The following EGLN1 variants were observed in gnomAD, a reference collection of about 807,000 sequenced individuals.
The protein encoded by EGLN1 is egl-9 family hypoxia inducible factor 1.
Under a neutral mutation model 38.3 loss-of-function variants are expected in EGLN1, and 17 were observed. The observed-to-expected ratio is 0.44, with a 90% CI of 0.30 to 0.67. The LOEUF (loss-of-function observed/expected upper bound fraction) is 0.67, where lower values mean the gene tolerates loss of function less well. Among genes scored for constraint, EGLN1 ranks in the 30% least tolerant of loss-of-function variants. The pLI, the probability that EGLN1 is intolerant of heterozygous loss-of-function variation, is 0.08. For synonymous variants in EGLN1, 283 were observed against 257.5 expected (o/e 1.10, Z -0.95); for missense variants, 477 against 603.3 (o/e 0.79, Z 2.19).
chr1:231,404,332 C>A (rs1029015109), intron 1 of EGLN1, among the ~76,000 whole-genome samples: 8 of 152,052 alleles, frequency 5.3e-5, no homozygotes, highest in African/African-American at 1.7e-4. Flanking sequence ...GCCATAAATA[C>A]CCCCCATTAT....
chr1:231,402,809 AT>A (rs1688695464), intron 1 of EGLN1, among the ~76,000 whole-genome samples: 1 of 151,362 alleles, frequency 6.6e-6, no homozygotes, highest in Non-Finnish European at 1.5e-5. Context: ...GTCAAGGTTT[AT>A]TTTTTCCACA....
chr1:231,376,582 T>C (rs902498758), intron 1 of EGLN1, among the ~76,000 whole-genome samples: 1 of 152,172 alleles, frequency 6.6e-6, no homozygotes, highest in African/African-American at 2.4e-5. Context: ...ATCCACAGTT[T>C]CAGGCATCCA....
intron 1 of EGLN1, among the ~76,000 whole-genome samples, chr1:231,398,250 T>C (rs1688580318): frequency 6.6e-6 from 1 of 152,180 alleles, no homozygotes; most frequent in South Asian, 2.1e-4. Context: ...GAATGGTAAT[T>C]TAAAAGGAAA....
At chr1:231,378,450 T>C (rs184995756) in intron 1 of EGLN1, among the ~76,000 whole-genome samples, 238 of 152,148 alleles carry the variant, frequency 1.6e-3, no homozygotes, top group South Asian at 3.5e-3. Context: ...AAAATATATA[T>C]GATTAAGGAT....
Position 231,421,997 on chromosome 1 carries a change from T to G in EGLN1, c.-109A>C. 1 of 1,177,150 alleles carries G rather than the reference T, an allele frequency of 8.5e-7. No homozygotes were observed. Among genetic ancestry groups the G allele is most frequent in the Non-Finnish European group, 1.1e-6 (1 of 918,776 alleles). The allele number at this position is 1,177,150 out of a possible 1,614,324, so 72.9% of individuals were successfully genotyped here. On this transcript the variant is annotated 5_prime_UTR_variant, in exon 1 of 5. Coordinates refer to ENST00000366641, the MANE Select transcript of EGLN1 (RefSeq NM_022051.3). The surrounding 1 kb of genome is among the most constrained non-coding windows in gnomAD (Gnocchi z 5.5). ...CGGGGAGAGAGATAGGGGCCGTTAC[T>G]GCGCCATGCACCCGCTACCCTCGCC... is the stretch of plus-strand genomic sequence containing the variant.
At position 231,369,595 on chromosome 1, in the gene EGLN1, C is replaced by T. The variant is rs6699759; in HGVS notation, c.1148+967G>A. ...CAGCTACAACCTGCTTAGCTTGCTA[C>T]TCAGTACGTGAATTAGGATGCAGGC... On this transcript the variant is annotated intron_variant, in intron 3 of 4. Transcript: ENST00000366641. 3,288 of 985,260 alleles carry T rather than the reference C, an allele frequency of 3.3e-3. 97 individuals are homozygous for T. The African/African-American group carries it at 0.052, about 16-fold the overall frequency. The allele number at this position is 985,260 out of a possible 1,614,324, so 61.0% of individuals were successfully genotyped here. A position where few individuals can be genotyped will look rare whatever the true frequency, so the allele number is the denominator to read the frequency against.
chr1:231,379,732 A>G (rs993243600), intron 1 of EGLN1, among the ~76,000 whole-genome samples: 3 of 152,224 alleles, frequency 2.0e-5, no homozygotes, highest in African/African-American at 7.2e-5. Context: ...GCACCTGAAG[A>G]AAACTTCGCA....
At chr1:231,379,796 G>C (rs1351006225) in intron 1 of EGLN1, among the ~76,000 whole-genome samples, 1 of 152,092 alleles carries the variant, frequency 6.6e-6, no homozygotes, top group Non-Finnish European at 1.5e-5. Context: ...GCCAGGAATT[G>C]ATTCTTTATC....
intron 1 of EGLN1, 118 bp downstream of exon 1, chr1:231,420,880 A>G (rs370544940): frequency 3.0e-4 from 483 of 1,595,808 alleles, no homozygotes; most frequent in African/African-American, 2.5e-3. Flanking sequence ...TACACAAGAA[A>G]GAGCGAGTCC....
chr1:231,395,416 C>CA (rs3071918), intron 1 of EGLN1, among the ~76,000 whole-genome samples: 1 of 151,604 alleles, frequency 6.6e-6, no homozygotes, highest in African/African-American at 2.4e-5. Context: ...CAGTAAGAGC[C>CA]AAACCACTTA....
chr1:231,415,450 T>C (rs1477697305), intron 1 of EGLN1, among the ~76,000 whole-genome samples: 2 of 146,806 alleles, frequency 1.4e-5, no homozygotes, highest in Non-Finnish European at 3.0e-5. Context: ...TTTCTTCTCT[T>C]TTAAAAAAAA....
intron 1 of EGLN1, among the ~76,000 whole-genome samples, chr1:231,380,998 C>T (rs913284330): frequency 6.6e-5 from 10 of 152,228 alleles, no homozygotes; most frequent in African/African-American, 2.2e-4. Flanking sequence ...TGGTTCACTG[C>T]AACTTTGAAC....
intron 4 of EGLN1, 111 bp from the exon 5 acceptor site, chr1:231,366,586 A>G: frequency 1.8e-6 from 2 of 1,091,902 alleles, no homozygotes; most frequent in Middle Eastern, 2.0e-4. Context: ...CAACTTTGCA[A>G]ACATCATCTG....
chr1:231,392,906 GT>G (rs1389835317), intron 1 of EGLN1, among the ~76,000 whole-genome samples: 2 of 152,144 alleles, frequency 1.3e-5, no homozygotes, highest in Non-Finnish European at 1.5e-5. Context: ...CTGACCTGTA[GT>G]CCTCAGTTCT....
chr1:231,403,799 T>C (rs1444341330), intron 1 of EGLN1, among the ~76,000 whole-genome samples: 1 of 150,460 alleles, frequency 6.6e-6, no homozygotes. Context: ...AAAAGATTTT[T>C]ACAGTTAAAA....
chr1:231,398,016 G>T (rs970725409), intron 1 of EGLN1, among the ~76,000 whole-genome samples: 4 of 152,164 alleles, frequency 2.6e-5, no homozygotes, highest in Admixed American at 2.6e-4. Flanking sequence ...CATGCACCTA[G>T]TAGCATCTAA....
intron 1 of EGLN1, among the ~76,000 whole-genome samples, chr1:231,391,093 T>TGG (rs1688365625): frequency 4.0e-5 from 1 of 24,706 alleles, no homozygotes; most frequent in Non-Finnish European, 1.1e-4. Flanking sequence ...GTTTTTTTTT[T>TGG]GTGTGTGTGT....
chr1:231,380,117 T>A (rs1411926516), intron 1 of EGLN1, among the ~76,000 whole-genome samples: 1 of 152,030 alleles, frequency 6.6e-6, no homozygotes, highest in Non-Finnish European at 1.5e-5. Context: ...CATCTTCGCA[T>A]GGGATAGCTG....
chr1:231,402,650 G>T (rs924796948), intron 1 of EGLN1, among the ~76,000 whole-genome samples: 8 of 151,948 alleles, frequency 5.3e-5, no homozygotes, highest in Non-Finnish European at 1.2e-4. Flanking sequence ...GGCCAGGCTG[G>T]TCTGGAACCC....
Sources: gnomAD v4.1 joint callset for allele counts (sites outside exome capture counted in the v4.1 genomes callset) on GRCh38, gnomAD v4.1.1 for gene constraint, Gnocchi (gnomAD v3.1) non-coding constraint, MANE v1.5 for transcripts, NCBI Gene and HGNC (gene_info 2026-07-23, HGNC 2026-07-21) for gene names.